COL4A6: variants seen among roughly 807,000 people sequenced by gnomAD.
COL4A6 encodes the protein collagen alpha-6(IV) chain.
A neutral mutation model predicts 126.7 loss-of-function variants in COL4A6; 59 were observed. That is an observed-to-expected ratio of 0.47 (90% CI 0.38 to 0.58). The LOEUF (loss-of-function observed/expected upper bound fraction) is 0.58, where lower values mean the gene tolerates loss of function less well. COL4A6 is among the 20% of genes least tolerant of loss of function. The pLI is 0.00. For synonymous variants in COL4A6, 547 were observed against 496.6 expected (o/e 1.10, Z -1.35); for missense variants, 1,285 against 1,337.3 (o/e 0.96, Z 0.61).
Position 108,166,223 on chromosome X carries a change from T to C in COL4A6, c.3692-737A>G, listed in dbSNP as rs771044498. ...TGTTTTCTGTTTGTGGAACTATTTC[T>C]ATTGTAATATGTTCAAAACCAAAAC... On this transcript the variant is annotated intron_variant, in intron 37 of 44. Coordinates refer to ENST00000334504, the MANE Select transcript of COL4A6 (RefSeq NM_033641.4). Among the ~76,000 whole-genome samples, 3 of 112,774 alleles carry C rather than the reference T, an allele frequency of 2.7e-5. No homozygotes were observed. The East Asian group carries it at 8.3e-4, about 31-fold the overall frequency.
At chrX:108,250,215 T>G (rs1456473553) in intron 3 of COL4A6, among the ~76,000 whole-genome samples, 1 of 111,093 alleles carries the variant, frequency 9.0e-6, no homozygotes, top group South Asian at 3.9e-4. Flanking sequence ...GAGTACTGCC[T>G]TTTACTTCAA....
chrX:108,263,446 T>C (rs377700245), intron 3 of COL4A6, among the ~76,000 whole-genome samples: 16 of 111,998 alleles, frequency 1.4e-4, no homozygotes, highest in African/African-American at 4.9e-4. Flanking sequence ...GAGAATAGCT[T>C]AGGACCGTGG....
chrX:108,160,440 T>C (rs1300969450), intron 43 of COL4A6, 23 bp downstream of exon 43: 2 of 1,172,330 alleles, frequency 1.7e-6, no homozygotes, highest in Non-Finnish European at 2.3e-6. Flanking sequence ...TGACCAGGGC[T>C]GGCTGTCAGA....
chrX:108,365,598 G>A (rs1046150073), intron 2 of COL4A6, among the ~76,000 whole-genome samples: 2 of 112,222 alleles, frequency 1.8e-5, no homozygotes, highest in Non-Finnish European at 3.8e-5. Context: ...ATAGTTTTCA[G>A]TAGCAAGACA....
At chrX:108,275,394 G>A (rs1409183996) in intron 3 of COL4A6, among the ~76,000 whole-genome samples, 3 of 112,017 alleles carry the variant, frequency 2.7e-5, no homozygotes, top group Admixed American at 9.5e-5. Context: ...TTTATCCTGT[G>A]TTTTCCTATC....
intron 2 of COL4A6, among the ~76,000 whole-genome samples, chrX:108,331,925 T>G (rs951695365): frequency 1.8e-5 from 2 of 111,326 alleles, no homozygotes; most frequent in African/African-American, 6.5e-5. Flanking sequence ...CAGTGAAGTC[T>G]GGGTTTTTAG....
intron 2 of COL4A6, among the ~76,000 whole-genome samples, chrX:108,319,489 G>C (rs2038969866): frequency 8.9e-6 from 1 of 112,398 alleles, no homozygotes; most frequent in Non-Finnish European, 1.9e-5. Flanking sequence ...ACTTGAGAAG[G>C]AATCTGAGAG....
At chrX:108,344,146 C>T (rs1239298985) in intron 2 of COL4A6, among the ~76,000 whole-genome samples, 1 of 111,054 alleles carries the variant, frequency 9.0e-6, no homozygotes, top group Admixed American at 9.6e-5. Flanking sequence ...ATTGAAAGTT[C>T]CAGGACAGGA....
chrX:108,160,421 G>A (rs376276858), intron 43 of COL4A6, 42 bp downstream of exon 43: 1 of 1,143,361 alleles, frequency 8.7e-7, no homozygotes, highest in Non-Finnish European at 1.2e-6. Context: ...TGGTGTTTGT[G>A]GGGACAGGTG....
intron 2 of COL4A6, among the ~76,000 whole-genome samples, chrX:108,427,861 G>C (rs1333825853): frequency 8.9e-6 from 1 of 112,147 alleles, no homozygotes; most frequent in Non-Finnish European, 1.9e-5. Context: ...TCTGCCATTT[G>C]TTGGGTTTGT....
intron 3 of COL4A6, among the ~76,000 whole-genome samples, chrX:108,299,062 T>A (rs1044577075): frequency 1.8e-5 from 2 of 111,120 alleles, no homozygotes; most frequent in Non-Finnish European, 3.8e-5. Flanking sequence ...CTCCTGCTGT[T>A]GAGCCTCTTC....
At chrX:108,310,087 A>G (rs949762529) in intron 3 of COL4A6, among the ~76,000 whole-genome samples, 1 of 111,404 alleles carries the variant, frequency 9.0e-6, no homozygotes. Context: ...AATCATAGAT[A>G]CAAATATCTA....
In COL4A6 at chrX:108,172,509, C is replaced by A; in HGVS notation, c.3162G>T (p.Ser1054=). 1 of 1,206,637 alleles carries A rather than the reference C, an allele frequency of 8.3e-7. No homozygotes were observed. The highest frequency in any genetic ancestry group is 1.1e-6 in the Non-Finnish European group (1 of 892,888). The part of the protein sequence containing the change: ...GESGSQGIRG[S]PGLPGASGLP... ...GACCAGATGCTCCTGGGAGTCCAGGCGACCCTCTGATACCTTGTGAACCCT... is the reference window on the plus strand; with the variant it reads ...GACCAGATGCTCCTGGGAGTCCAGGAGACCCTCTGATACCTTGTGAACCCT... The change falls in exon 32 of 45, where the codon TCG becomes TCT. Residue 1054 remains serine (S), a synonymous_variant. Coordinates refer to ENST00000334504, the MANE Select transcript of COL4A6 (RefSeq NM_033641.4).
At chrX:108,234,067 G>C (rs1442177274) in intron 3 of COL4A6, among the ~76,000 whole-genome samples, 1 of 111,894 alleles carries the variant, frequency 8.9e-6, no homozygotes, top group Non-Finnish European at 1.9e-5. Flanking sequence ...GCTGTTGGTG[G>C]CATCAGGTCT....
chrX:108,406,845 A>T (rs1240872272), intron 2 of COL4A6, among the ~76,000 whole-genome samples: 1 of 110,426 alleles, frequency 9.1e-6, no homozygotes, highest in African/African-American at 3.3e-5. Flanking sequence ...AATAAATGTG[A>T]AGGCATTTTT....
In COL4A6 at chrX:108,194,965, G is replaced by C. The variant is rs1350989943; in HGVS notation, c.948+117C>G. On this transcript the variant is annotated intron_variant, in intron 15 of 44. Transcript: ENST00000334504. Reference sequence around the variant, plus strand: ...TGGCTAAGATTATACCAAAAAAAAGGGAGATGAACAATTTGCATTATAAGT... The same window carrying C: ...TGGCTAAGATTATACCAAAAAAAAGCGAGATGAACAATTTGCATTATAAGT... 1.1e-5 allele frequency: 6 copies of C among 569,204 alleles called. No homozygotes were observed. In the Admixed American group the frequency reaches 1.9e-4, roughly 18 times the overall value. 46.9% of individuals were successfully genotyped at this position (569,204 alleles called of 1,213,427 possible).
intron 2 of COL4A6, among the ~76,000 whole-genome samples, chrX:108,399,744 CA>C (rs1289588065): frequency 6.3e-5 from 7 of 111,761 alleles, no homozygotes; most frequent in African/African-American, 1.9e-4. Flanking sequence ...TTTGATAATG[CA>C]AAGGGACTAT....
At chrX:108,263,374 G>A (rs2037216207) in intron 3 of COL4A6, among the ~76,000 whole-genome samples, 1 of 111,755 alleles carries the variant, frequency 8.9e-6, no homozygotes, top group Admixed American at 9.5e-5. Context: ...TACAGTTAGG[G>A]TTGAAAACTT....
chrX:108,227,995 G>C (rs762628372), intron 3 of COL4A6, among the ~76,000 whole-genome samples: 1 of 112,449 alleles, frequency 8.9e-6, no homozygotes, highest in Non-Finnish European at 1.9e-5. Context: ...AGCTGCATAA[G>C]ACTCAGGAAT....
Sources: gnomAD v4.1 joint callset for allele counts (sites outside exome capture counted in the v4.1 genomes callset) on GRCh38, gnomAD v4.1.1 for gene constraint, MANE v1.5 for transcripts, NCBI Gene and HGNC (gene_info 2026-07-23, HGNC 2026-07-21) for gene names.